Variants in RERG observed in about 807,000 individuals in gnomAD.
RERG encodes the protein RAS like estrogen regulated growth inhibitor.
RERG carries 25 observed loss-of-function variants against 23.2 expected under a neutral mutation model. The ratio of observed to expected loss-of-function variants is 1.08; its 90% confidence interval spans 0.79 to 1.50. The LOEUF is 1.50. Ranked by LOEUF, RERG falls within the 40% of genes most tolerant of loss-of-function variation. RERG has a pLI of 0.00. For missense variants in RERG, 253 were observed against 250.1 expected, an observed-to-expected ratio of 1.01 and a Z score of -0.08; for synonymous variants, 81 against 89.1, an observed-to-expected ratio of 0.91 and a Z score of 0.51.
intron 2 of RERG, among the ~76,000 whole-genome samples, chr12:15,178,543 T>C (rs1325543480): frequency 1.3e-5 from 2 of 152,212 alleles, no homozygotes; most frequent in African/African-American, 4.8e-5. Flanking sequence ...GGCCTAGATT[T>C]GAGTTTCAGG....
chr12:15,124,963 C>A (rs1380378285), intron 2 of RERG, among the ~76,000 whole-genome samples: 1 of 151,636 alleles, frequency 6.6e-6, no homozygotes, highest in Non-Finnish European at 1.5e-5. Context: ...CCTATAAAGA[C>A]CCTTGATATT....
rs1019082624 is a variant in RERG, at chr12:15,108,568, A to C, written c.*542T>G. On this transcript the variant is annotated 3_prime_UTR_variant, in exon 5 of 5. Coordinates refer to ENST00000256953, the MANE Select transcript of RERG (RefSeq NM_032918.3). ...TATAGTGAAAAACATTAGTGAGAAG[A>C]TGCTTGAACTGAAGAACAAAATAAA... The C allele has an allele frequency of 6.6e-6, 1 of 152,662 alleles. No individual in the cohort carries two copies. Among genetic ancestry groups the C allele is most frequent in the African/African-American group, 2.4e-5 (1 of 41,458 alleles). 9.5% of individuals were successfully genotyped at this position (152,662 alleles called of 1,614,324 possible).
At chr12:15,202,722 C>A (rs1865234523) in intron 2 of RERG, among the ~76,000 whole-genome samples, 1 of 151,662 alleles carries the variant, frequency 6.6e-6, no homozygotes, top group Admixed American at 6.6e-5. Flanking sequence ...GAATCATTCC[C>A]ATAGCTTGGC....
Position 15,217,452 on chromosome 12 carries a change from C to T in RERG, c.38G>A (p.Gly13Glu), listed in dbSNP as rs1027905361. 2 of 1,613,606 alleles carry T rather than the reference C, an allele frequency of 1.2e-6. No homozygotes were observed. The highest frequency in any genetic ancestry group is 1.3e-5 in the African/African-American group (1 of 75,006). Residue 13 changes from glycine (G) to glutamate (E), a missense_variant, in exon 2 of 5, where the codon GGG (glycine) becomes GAG (glutamate). Physicochemically the swap from Gly to Glu is moderately conservative, Grantham distance 98 (BLOSUM62 -2). Transcript: ENST00000256953. ...ACCTGACTTGCCCACGCCTGCTCTC[C>T]CAAATATTGCCAGTTTGACCTCCGC... The part of the protein sequence containing the change: ...KSAEVKLAIF[G>E]RAGVGKSALV...
intron 2 of RERG, among the ~76,000 whole-genome samples, chr12:15,183,024 T>C (rs1864944542): frequency 6.6e-6 from 1 of 152,072 alleles, no homozygotes; most frequent in Non-Finnish European, 1.5e-5. Flanking sequence ...GAGGCTGCAG[T>C]GAGCCATGAT....
At chr12:15,122,003 T>C (rs944238149) in intron 2 of RERG, among the ~76,000 whole-genome samples, 2 of 151,166 alleles carry the variant, frequency 1.3e-5, no homozygotes, top group Admixed American at 6.7e-5. Flanking sequence ...ACACTTGTAG[T>C]ATAGTTGAAA....
intron 2 of RERG, among the ~76,000 whole-genome samples, chr12:15,174,807 T>C (rs1864825212): frequency 6.6e-6 from 1 of 152,106 alleles, no homozygotes; most frequent in African/African-American, 2.4e-5. Flanking sequence ...TCTATTTTGT[T>C]TTTTATAATT....
chr12:15,173,649 T>G (rs1185573606), intron 2 of RERG, among the ~76,000 whole-genome samples: 1 of 152,016 alleles, frequency 6.6e-6, no homozygotes, highest in Admixed American at 6.6e-5. Context: ...CCTTTAAAAT[T>G]TCTTTCAGTA....
intron 2 of RERG, among the ~76,000 whole-genome samples, chr12:15,157,708 G>A (rs999438734): frequency 6.6e-6 from 1 of 152,130 alleles, no homozygotes; most frequent in Non-Finnish European, 1.5e-5. Flanking sequence ...GAATAAGCCA[G>A]GCTTTTCTTT....
Position 15,134,040 on chromosome 12 carries a change from T to C in RERG, c.62-12921A>G, listed in dbSNP as rs142345872. ...GTCTTTGGCCAATATTTTCTCCCAG[T>C]CTGTGGCTTGTCTTATGATTCTCTA... On this transcript the variant is annotated intron_variant, in intron 2 of 4. Coordinates refer to ENST00000256953, the MANE Select transcript of RERG (RefSeq NM_032918.3). Among the ~76,000 whole-genome samples the C allele has an allele frequency of 9.0e-3, 1,372 of 152,202 alleles. 22 individuals are homozygous for C. Among genetic ancestry groups the C allele is most frequent in the African/African-American group, 0.032 (1,330 of 41,550 alleles).
At chr12:15,126,714 C>CTCTTTCTT (rs1565510864) in intron 2 of RERG, among the ~76,000 whole-genome samples, 2 of 85,714 alleles carry the variant, frequency 2.3e-5, no homozygotes, top group Non-Finnish European at 2.6e-5. Context: ...ATTTCTTTTT[C>CTCTTTCTT]TTTTTCTTTC....
intron 2 of RERG, among the ~76,000 whole-genome samples, chr12:15,194,258 C>T (rs1332873109): frequency 1.3e-5 from 2 of 152,104 alleles, no homozygotes; most frequent in Non-Finnish European, 2.9e-5. Flanking sequence ...TTCAACAGCA[C>T]ATTCCAGGCC....
chr12:15,205,228 G>C (rs1390977243), intron 2 of RERG, among the ~76,000 whole-genome samples: 1 of 151,946 alleles, frequency 6.6e-6, no homozygotes, highest in Non-Finnish European at 1.5e-5. Flanking sequence ...AATTTACATA[G>C]TTCTTTGGAC....
intron 2 of RERG, among the ~76,000 whole-genome samples, chr12:15,171,613 A>C (rs1479892742): frequency 6.6e-6 from 1 of 152,208 alleles, no homozygotes; most frequent in Non-Finnish European, 1.5e-5. Flanking sequence ...ACATACCTAA[A>C]AAACAATTTT....
intron 2 of RERG, among the ~76,000 whole-genome samples, chr12:15,171,832 A>G (rs1302365773): frequency 6.6e-6 from 1 of 152,202 alleles, no homozygotes; most frequent in East Asian, 1.9e-4. Context: ...TATTGGTTAA[A>G]TATATTAATA....
intron 2 of RERG, among the ~76,000 whole-genome samples, chr12:15,196,777 A>G (rs1865150634): frequency 6.6e-6 from 1 of 152,174 alleles, no homozygotes; most frequent in African/African-American, 2.4e-5. Flanking sequence ...ATACTGTACT[A>G]GAGAGGAAAG....
At chr12:15,206,659 G>A (rs558016523) in intron 2 of RERG, among the ~76,000 whole-genome samples, 2 of 152,136 alleles carry the variant, frequency 1.3e-5, no homozygotes, top group African/African-American at 4.8e-5. Flanking sequence ...GTGATCCCGA[G>A]GCATGGTAAA....
At chr12:15,190,104 A>G (rs1017012164) in intron 2 of RERG, among the ~76,000 whole-genome samples, 1 of 152,162 alleles carries the variant, frequency 6.6e-6, no homozygotes, top group African/African-American at 2.4e-5. Flanking sequence ...ATTAAAGTAG[A>G]TGAGGATAGC....
chr12:15,190,072 G>A (rs1182422096), intron 2 of RERG, among the ~76,000 whole-genome samples: 1 of 152,188 alleles, frequency 6.6e-6, no homozygotes, highest in Non-Finnish European at 1.5e-5. Flanking sequence ...GATTACAGGT[G>A]TGGGAGTTCA....
Sources: allele counts gnomAD v4.1 joint callset (sites outside exome capture counted in the v4.1 genomes callset), GRCh38; gene constraint gnomAD v4.1.1; transcripts MANE v1.5; gene names NCBI Gene and HGNC (gene_info 2026-07-23, HGNC 2026-07-21).